ZFHX3: variants seen among roughly 807,000 people sequenced by gnomAD.
ZFHX3 encodes the protein zinc finger homeobox protein 3.
In ZFHX3, 42 loss-of-function variants were observed where a neutral mutation model predicts 279.1. The ratio of observed to expected loss-of-function variants is 0.15; its 90% CI spans 0.12 to 0.19. The LOEUF is 0.19. Ranked by LOEUF, ZFHX3 falls within the 10% of genes least tolerant of loss-of-function variation. The probability of loss-of-function intolerance (pLI) is 1.00; values close to 1 mark genes in which losing one functional copy is unlikely to be tolerated. For synonymous variants in ZFHX3, 2,293 were observed against 1,957.8 expected, an observed-to-expected ratio of 1.17 and a Z score of -4.52; for missense variants, 4,981 against 4,754.0, an observed-to-expected ratio of 1.05 and a Z score of -1.40.
chr16:73,025,270 G>C (rs1292428443), intron 1 of ZFHX3, among the ~76,000 whole-genome samples: 1 of 152,110 alleles, frequency 6.6e-6, no homozygotes, highest in Non-Finnish European at 1.5e-5. Context: ...CCAATGCGGC[G>C]GCAGCCACCA....
chr16:73,588,843 G>A (rs2051957096), intron 2 of ZFHX3, among the ~76,000 whole-genome samples: 1 of 152,068 alleles, frequency 6.6e-6, no homozygotes, highest in African/African-American at 2.4e-5. Flanking sequence ...TTCTGGGGTT[G>A]GGGAGAGAGA....
At chr16:73,176,030 C>T (rs756038560) in intron 5 of ZFHX3, among the ~76,000 whole-genome samples, 2 of 152,186 alleles carry the variant, frequency 1.3e-5, no homozygotes, top group African/African-American at 2.4e-5. Context: ...CCCACCTCGT[C>T]GGCTATGCCA....
intron 3 of ZFHX3, among the ~76,000 whole-genome samples, chr16:72,948,102 T>C (rs1265984983): frequency 1.3e-5 from 2 of 152,134 alleles, no homozygotes; most frequent in African/African-American, 2.4e-5. Flanking sequence ...CCCAGCGGTG[T>C]CATCCAGGAG....
At chr16:73,867,751 G>T (rs1294378753) in intron 1 of ZFHX3, among the ~76,000 whole-genome samples, 2 of 152,122 alleles carry the variant, frequency 1.3e-5, no homozygotes, top group Non-Finnish European at 2.9e-5. Flanking sequence ...GTAGATAATT[G>T]TATCCCCTCC....
chr16:73,642,090 C>T (rs894956035), intron 2 of ZFHX3, among the ~76,000 whole-genome samples: 2 of 152,088 alleles, frequency 1.3e-5, no homozygotes, highest in African/African-American at 4.8e-5. Context: ...GAAGGTGGTC[C>T]GTGGCCTCGA....
intron 1 of ZFHX3, among the ~76,000 whole-genome samples, chr16:73,687,040 A>G (rs1185276941): frequency 1.8e-5 from 2 of 110,062 alleles, no homozygotes; most frequent in African/African-American, 7.6e-5. Flanking sequence ...ATATATATAT[A>G]TATATATATA....
At position 72,957,795 on chromosome 16, in the gene ZFHX3, G is replaced by C. The variant is rs2144435512; in HGVS notation, c.2351C>G (p.Ala784Gly). ...AAAVAAAAAA[A>G]NISSSCGAPS... is the part of the protein sequence containing the mutation. Reference sequence around the variant, plus strand: ...GGCCCCGCAGGAGCTACTGATATTGGCTGCCGCCGCCGCCGCAGCCACCGC... The same window carrying C: ...GGCCCCGCAGGAGCTACTGATATTGCCTGCCGCCGCCGCCGCAGCCACCGC... Residue 784 changes from alanine to glycine, a missense_variant, in exon 2 of 10, where the codon GCC (alanine) becomes GGC (glycine). Physicochemically the swap from Ala to Gly is moderately conservative, Grantham distance 60. Coordinates refer to ENST00000268489, the MANE Select transcript of ZFHX3 (RefSeq NM_006885.4). 6.2e-7 allele frequency: 1 copy of C among 1,610,480 alleles called. No homozygotes were observed. Among genetic ancestry groups the C allele is most frequent in the Non-Finnish European group, 8.5e-7 (1 of 1,178,590 alleles).
At chr16:73,179,375 C>T (rs532270328) in intron 5 of ZFHX3, among the ~76,000 whole-genome samples, 1 of 152,272 alleles carries the variant, frequency 6.6e-6, no homozygotes, top group Non-Finnish European at 1.5e-5. Flanking sequence ...GACTCCACTC[C>T]CCTCCATGAC....
chr16:73,603,057 G>A (rs1347947242), intron 2 of ZFHX3, among the ~76,000 whole-genome samples: 1 of 151,864 alleles, frequency 6.6e-6, no homozygotes, highest in Non-Finnish European at 1.5e-5. Context: ...AGGCCGAGGC[G>A]GGTGGATCAC....
At chr16:73,112,425 T>C (rs886407124) in intron 7 of ZFHX3, among the ~76,000 whole-genome samples, 2 of 151,836 alleles carry the variant, frequency 1.3e-5, no homozygotes, top group Non-Finnish European at 2.9e-5. Flanking sequence ...AAAAAAATTT[T>C]AAAAAGGCCG....
At chr16:73,849,158 T>C (rs1377332269) in intron 1 of ZFHX3, among the ~76,000 whole-genome samples, 1 of 152,176 alleles carries the variant, frequency 6.6e-6, no homozygotes, top group African/African-American at 2.4e-5. Flanking sequence ...TATACATCTA[T>C]AAACATGGTC....
chr16:73,217,815 AT>A (rs749205401), intron 5 of ZFHX3, among the ~76,000 whole-genome samples: 2 of 151,976 alleles, frequency 1.3e-5, no homozygotes, highest in Non-Finnish European at 2.9e-5. Context: ...AGCCCAGGAC[AT>A]TTTGGGGCTC....
rs552588592 is a variant in ZFHX3, at chr16:73,243,099, G to A, written c.-1104+13948C>T. ...CCAGGAGAGCTGAGTGGTCCAGACA[G>A]CTACAGAAGCACCAAGATTGGAGCT... On this transcript the variant is annotated intron_variant, in intron 5 of 17. Transcript: ENST00000641206. Among the ~76,000 whole-genome samples the A allele has an allele frequency of 5.3e-5, 8 of 152,340 alleles. No individual in the cohort carries two copies. In the East Asian group the frequency reaches 1.5e-3, roughly 29 times the overall value.
chr16:73,173,364 C>T (rs1256024214), intron 5 of ZFHX3, among the ~76,000 whole-genome samples: 1 of 150,606 alleles, frequency 6.6e-6, no homozygotes, highest in African/African-American at 2.4e-5. Context: ...AGGTATTTTC[C>T]CCCCGCCCCT....
intron 5 of ZFHX3, among the ~76,000 whole-genome samples, chr16:72,822,792 TGA>T (rs1320974955): frequency 7.3e-6 from 1 of 136,472 alleles, no homozygotes; most frequent in Non-Finnish European, 1.5e-5. Context: ...TTCTAGAAAG[TGA>T]GTTTTTTTTT....
chr16:73,013,672 T>C (rs74030204), intron 1 of ZFHX3, among the ~76,000 whole-genome samples: 71 of 152,280 alleles, frequency 4.7e-4, no homozygotes, highest in African/African-American at 1.6e-3. Context: ...CACAAAATAA[T>C]GTCACATTAT....
chr16:73,350,226 A>G (rs1384004610), intron 3 of ZFHX3, among the ~76,000 whole-genome samples: 4 of 152,130 alleles, frequency 2.6e-5, no homozygotes, highest in Non-Finnish European at 5.9e-5. Context: ...TACCTTCTCC[A>G]TTCTGAACAA....
At chr16:73,408,060 T>TG (rs2017397248) in intron 3 of ZFHX3, among the ~76,000 whole-genome samples, 1 of 116,240 alleles carries the variant, frequency 8.6e-6, no homozygotes, top group African/African-American at 3.3e-5. Flanking sequence ...CAGGAGTGGA[T>TG]GGGGGTGGGT....
chr16:72,921,666 G>A (rs1394279581), intron 3 of ZFHX3, among the ~76,000 whole-genome samples: 1 of 152,210 alleles, frequency 6.6e-6, no homozygotes, highest in Non-Finnish European at 1.5e-5. Flanking sequence ...AATGATCACT[G>A]CATGTACAGA....
Sources: allele counts gnomAD v4.1 joint callset (sites outside exome capture counted in the v4.1 genomes callset), GRCh38; gene constraint gnomAD v4.1.1; transcripts MANE v1.5; gene names NCBI Gene and HGNC (gene_info 2026-07-23, HGNC 2026-07-21).